Variants in UGGT2 observed in about 807,000 individuals in gnomAD.
UGGT2 encodes UDP-glucose glycoprotein glucosyltransferase 2.
A neutral mutation model predicts 192.1 loss-of-function variants in UGGT2; 180 were observed. The ratio of observed to expected loss-of-function variants is 0.94; its 90% CI spans 0.83 to 1.06. The LOEUF is 1.06. Among genes scored for constraint, UGGT2 ranks in the 50% least tolerant of loss-of-function variants. The pLI is 0.00. For missense variants in UGGT2, 1,849 were observed against 1,795.7 expected (o/e 1.03, Z -0.54); for synonymous variants, 580 against 591.0 (o/e 0.98, Z 0.27).
chr13:95,946,214 C>T (rs115433115), intron 15 of UGGT2, among the ~76,000 whole-genome samples: 1 of 152,250 alleles, frequency 6.6e-6, no homozygotes. Context: ...CAGGTTCTTA[C>T]CAATTTCTAT....
intron 10 of UGGT2, among the ~76,000 whole-genome samples, chr13:95,972,963 G>A (rs899401155): frequency 6.6e-6 from 1 of 152,188 alleles, no homozygotes; most frequent in Non-Finnish European, 1.5e-5. Flanking sequence ...CTGAGGTCAG[G>A]AGTTCAAGAC....
At position 95,837,110 on chromosome 13, in the gene UGGT2, T is replaced by C. The variant is rs199506215; in HGVS notation, c.4377A>G (p.Lys1459=). 13 of 1,613,954 alleles carry C rather than the reference T, an allele frequency of 8.1e-6. No homozygotes were observed. In the East Asian group the frequency reaches 8.9e-5, roughly 11 times the overall value. ...CCAGATCAATTGTTTTGGCTCTTTG[T>C]TTGGATTCATCATCACACCAGGTTT... is the stretch of plus-strand genomic sequence containing the variant. ...WCETWCDDES[K]QRAKTIDLCN... Residue 1459 remains lysine, a synonymous_variant, in exon 37 of 39, where the codon AAA becomes AAG. Transcript: ENST00000376747.
At chr13:95,921,979 T>C (rs902167060) in intron 20 of UGGT2, among the ~76,000 whole-genome samples, 3 of 152,210 alleles carry the variant, frequency 2.0e-5, no homozygotes, top group African/African-American at 4.8e-5. Flanking sequence ...CCTGCACTCA[T>C]GTTTATCACA....
intron 20 of UGGT2, among the ~76,000 whole-genome samples, chr13:95,924,653 T>C (rs780703800): frequency 2.2e-4 from 34 of 152,092 alleles, no homozygotes; most frequent in Admixed American, 1.0e-3. Flanking sequence ...TGTGTAACTT[T>C]TGAGGCTAGA....
At chr13:95,976,972 G>C (rs926345008) in intron 10 of UGGT2, among the ~76,000 whole-genome samples, 7 of 152,086 alleles carry the variant, frequency 4.6e-5, no homozygotes, top group Admixed American at 4.6e-4. Flanking sequence ...TTTAATAAAT[G>C]GTGCTAGGAA....
chr13:95,866,555 G>T (rs1384591141), intron 30 of UGGT2, among the ~76,000 whole-genome samples: 2 of 152,130 alleles, frequency 1.3e-5, no homozygotes, highest in Non-Finnish European at 2.9e-5. Context: ...TGGCCTACTT[G>T]GCTGACACAA....
intron 33 of UGGT2, among the ~76,000 whole-genome samples, 168 bp downstream of exon 33, chr13:95,859,423 T>C (rs1889939400): frequency 6.6e-6 from 1 of 152,122 alleles, no homozygotes; most frequent in Admixed American, 6.6e-5. Flanking sequence ...CCTTTGAACA[T>C]CTCTAAATAA....
intron 4 of UGGT2, among the ~76,000 whole-genome samples, chr13:96,020,405 T>C (rs1371141422): frequency 1.3e-5 from 2 of 152,210 alleles, no homozygotes; most frequent in East Asian, 1.9e-4. Flanking sequence ...CTGGGATTGA[T>C]TCTTTGTTGT....
chr13:96,015,979 A>G (rs2052326008), intron 4 of UGGT2, among the ~76,000 whole-genome samples: 1 of 152,206 alleles, frequency 6.6e-6, no homozygotes, highest in Non-Finnish European at 1.5e-5. Flanking sequence ...CACCCTTGTT[A>G]TGCCTTAGCA....
At chr13:95,866,992 TC>T (rs1890726704) in intron 30 of UGGT2, among the ~76,000 whole-genome samples, 2 of 152,228 alleles carry the variant, frequency 1.3e-5, no homozygotes, top group South Asian at 2.1e-4. Context: ...TCCCTTTCTC[TC>T]CCAATTTAAA....
In UGGT2 at chr13:95,925,748, G is replaced by C. The variant is rs776464667; in HGVS notation, c.2227C>G (p.Leu743Val). 6 of 1,566,608 alleles carry C rather than the reference G, an allele frequency of 3.8e-6. No homozygotes were observed. The highest frequency in any genetic ancestry group is 1.4e-5 in the African/African-American group (1 of 74,038). ...DDESIISAVT[L>V]WIIADFDKPS... ...TTATCAAAATCTGCAATAATCCAGAGAGTGACTGCAGAAATTATACTCTCA... is the reference window on the plus strand; with the variant it reads ...TTATCAAAATCTGCAATAATCCAGACAGTGACTGCAGAAATTATACTCTCA... Residue 743 changes from leucine (L) to valine (V), a missense_variant, in exon 20 of 39, where the codon CTC (leucine) becomes GTC (valine). Physicochemically the swap from Leu to Val is conservative, Grantham distance 32 (BLOSUM62 1). Transcript: ENST00000376747.
chr13:95,923,046 T>C (rs2048897924), intron 20 of UGGT2, among the ~76,000 whole-genome samples: 1 of 152,090 alleles, frequency 6.6e-6, no homozygotes, highest in African/African-American at 2.4e-5. Flanking sequence ...TTATATTCAG[T>C]ACGTTCTTTT....
chr13:96,039,154 T>C (rs1400103478), intron 1 of UGGT2, among the ~76,000 whole-genome samples: 1 of 152,240 alleles, frequency 6.6e-6, no homozygotes, highest in Non-Finnish European at 1.5e-5. Flanking sequence ...CTTCACCCTC[T>C]GTGCTGCCTG....
chr13:95,894,548 G>T lies in UGGT2; in HGVS notation c.2855+14C>A. 6.3e-7 allele frequency: 1 copy of T among 1,593,572 alleles called. No individual in the cohort carries two copies. The highest frequency in any genetic ancestry group is 8.6e-7 in the Non-Finnish European group (1 of 1,167,564). ...TAACAGAAAAATCACAAACAAATACGAATACATTCTTACCTGTGATTCTCC... is the reference window on the plus strand; with the variant it reads ...TAACAGAAAAATCACAAACAAATACTAATACATTCTTACCTGTGATTCTCC... On this transcript the variant is annotated intron_variant, in intron 24 of 38. Transcript: ENST00000376747.
At chr13:95,969,442 TA>T (rs2050696209) in intron 12 of UGGT2, among the ~76,000 whole-genome samples, 1 of 152,104 alleles carries the variant, frequency 6.6e-6, no homozygotes, top group Non-Finnish European at 1.5e-5. Context: ...CATGTAGATT[TA>T]AAAAACCATC....
intron 14 of UGGT2, 46 bp from the exon 15 acceptor site, chr13:95,947,218 T>A (rs759848538): frequency 6.6e-7 from 1 of 1,514,182 alleles, no homozygotes; most frequent in South Asian, 1.3e-5. Flanking sequence ...ACCTCTTGAA[T>A]CACAATAAAC....
chr13:95,996,406 G>C (rs1479023763), intron 6 of UGGT2, among the ~76,000 whole-genome samples: 2 of 152,004 alleles, frequency 1.3e-5, no homozygotes, highest in African/African-American at 4.8e-5. Flanking sequence ...GGAGGCAGGA[G>C]AGTGGCTTGA....
chr13:96,029,296 T>A (rs973268424), intron 2 of UGGT2, among the ~76,000 whole-genome samples: 14 of 151,884 alleles, frequency 9.2e-5, no homozygotes, highest in Middle Eastern at 3.4e-3. Context: ...TTTATTTATT[T>A]ATTTTTTTGA....
At chr13:95,832,695 A>G (rs771486913) in intron 38 of UGGT2, 2 of 603,578 alleles carry the variant, frequency 3.3e-6, no homozygotes, top group Non-Finnish European at 6.3e-6. Flanking sequence ...ATGTTACACT[A>G]TCTATCCATA....
Sources: allele counts gnomAD v4.1 joint callset (sites outside exome capture counted in the v4.1 genomes callset), GRCh38; gene constraint gnomAD v4.1.1; transcripts MANE v1.5; gene names NCBI Gene and HGNC (gene_info 2026-07-23, HGNC 2026-07-21).